GRM8: variants seen among roughly 807,000 people sequenced by gnomAD.
GRM8 encodes glutamate metabotropic receptor 8.
In GRM8, 47 loss-of-function variants were observed where a neutral mutation model predicts 87.2. The ratio of observed to expected loss-of-function variants is 0.54; its 90% CI spans 0.43 to 0.69. The LOEUF (loss-of-function observed/expected upper bound fraction) is 0.69. GRM8 is among the 30% of genes least tolerant of loss of function. The probability of loss-of-function intolerance (pLI) is 0.00; values close to 1 mark genes in which losing one functional copy is unlikely to be tolerated. For missense variants in GRM8, 1,019 were observed against 1,139.2 expected (o/e 0.89, Z 1.52); for synonymous variants, 396 against 404.5 (o/e 0.98, Z 0.25).
intron 6 of GRM8, among the ~76,000 whole-genome samples, chr7:126,830,242 G>A (rs1182261402): frequency 6.6e-6 from 1 of 152,172 alleles, no homozygotes; most frequent in South Asian, 2.1e-4. Context: ...GAATCTGAAT[G>A]TTGGCCTGCC....
At chr7:127,130,711 T>C (rs980078902) in intron 2 of GRM8, among the ~76,000 whole-genome samples, 9 of 152,134 alleles carry the variant, frequency 5.9e-5, no homozygotes, top group Non-Finnish European at 1.0e-4. Context: ...CCCACCCAAA[T>C]TTCATCTGGC....
intron 8 of GRM8, among the ~76,000 whole-genome samples, chr7:126,576,092 G>T (rs1043006378): frequency 1.3e-5 from 2 of 152,050 alleles, no homozygotes; most frequent in African/African-American, 4.8e-5. Context: ...TTTAACATCT[G>T]CAAAGTCAAT....
At chr7:126,488,155 A>G (rs1355459253) in intron 9 of GRM8, among the ~76,000 whole-genome samples, 1 of 151,822 alleles carries the variant, frequency 6.6e-6, no homozygotes, top group Non-Finnish European at 1.5e-5. Context: ...TATCAATAGC[A>G]TTCAGCTGTA....
intron 6 of GRM8, among the ~76,000 whole-genome samples, chr7:126,865,579 C>A (rs1798523457): frequency 6.6e-6 from 1 of 152,146 alleles, no homozygotes; most frequent in East Asian, 1.9e-4. Context: ...CTTCAATCAT[C>A]CTGTTCCCGT....
At chr7:126,905,909 C>G (rs368483232) in intron 3 of GRM8, among the ~76,000 whole-genome samples, 3 of 152,128 alleles carry the variant, frequency 2.0e-5, no homozygotes, top group Non-Finnish European at 4.4e-5. Context: ...ATGTAAAAAC[C>G]TAGCATGATC....
chr7:126,656,468 G>A (rs181623464), intron 7 of GRM8, among the ~76,000 whole-genome samples: 1 of 152,232 alleles, frequency 6.6e-6, no homozygotes, highest in African/African-American at 2.4e-5. Flanking sequence ...CGCAAGGTCA[G>A]GAGATCGAGA....
intron 3 of GRM8, among the ~76,000 whole-genome samples, chr7:127,054,340 A>G (rs1819772859): frequency 6.6e-6 from 1 of 152,158 alleles, no homozygotes; most frequent in African/African-American, 2.4e-5. Context: ...TTAAATAAAT[A>G]CAGTTGACTT....
intron 2 of GRM8, among the ~76,000 whole-genome samples, chr7:127,158,546 G>T (rs1175072441): frequency 1.3e-5 from 2 of 152,156 alleles, no homozygotes; most frequent in Non-Finnish European, 2.9e-5. Context: ...CAAGATCAAG[G>T]CACCAGTACA....
At chr7:126,459,086 A>G (rs1439686705) in intron 9 of GRM8, among the ~76,000 whole-genome samples, 1 of 151,416 alleles carries the variant, frequency 6.6e-6, no homozygotes, top group Non-Finnish European at 1.5e-5. Flanking sequence ...ACAGAAAACT[A>G]TAGTACTCAT....
At chr7:126,976,333 C>T (rs995658685) in intron 3 of GRM8, among the ~76,000 whole-genome samples, 2 of 152,260 alleles carry the variant, frequency 1.3e-5, no homozygotes, top group South Asian at 2.1e-4. Context: ...CAGTGGCTCA[C>T]GCCTATAATC....
chr7:126,667,369 A>C (rs1805883646), intron 7 of GRM8, among the ~76,000 whole-genome samples: 1 of 152,240 alleles, frequency 6.6e-6, no homozygotes, highest in Admixed American at 6.5e-5. Context: ...TCACTGTAGA[A>C]TGTTCTTAAA....
chr7:127,022,056 G>A (rs1446365430), intron 3 of GRM8, among the ~76,000 whole-genome samples: 3 of 152,048 alleles, frequency 2.0e-5, no homozygotes. Flanking sequence ...AACTTTTCTG[G>A]CTAGGAACTA....
chr7:126,818,557 A>G (rs1219574103), intron 6 of GRM8, among the ~76,000 whole-genome samples: 1 of 152,130 alleles, frequency 6.6e-6, no homozygotes, highest in Non-Finnish European at 1.5e-5. Context: ...TAATAATTTT[A>G]TTTTTCCTGG....
intron 7 of GRM8, among the ~76,000 whole-genome samples, chr7:126,734,184 T>C (rs1034982589): frequency 6.6e-6 from 1 of 151,976 alleles, no homozygotes; most frequent in African/African-American, 2.4e-5. Flanking sequence ...GAATACAAAA[T>C]GTACACATTG....
Position 126,814,574 on chromosome 7 carries a change from C to T in GRM8, c.1157-44509G>A, listed in dbSNP as rs972727363. Among the ~76,000 whole-genome samples the T allele has an allele frequency of 9.2e-5, 14 of 152,152 alleles. 1 individual carries two copies. Among genetic ancestry groups the T allele is most frequent in the Admixed American group, 3.9e-4 (6 of 15,262 alleles). On this transcript the variant is annotated intron_variant, in intron 6 of 10. Transcript: ENST00000339582. ...AAAGATGATCTTGGACAGTAGACAG[C>T]TTGCACCCAATACATCCAACCTAAA...
At chr7:126,530,970 G>A (rs773312298) in intron 9 of GRM8, among the ~76,000 whole-genome samples, 38 of 151,986 alleles carry the variant, frequency 2.5e-4, no homozygotes, top group Non-Finnish European at 3.8e-4. Flanking sequence ...CACCATGCCC[G>A]GCTAATTTTT....
intron 3 of GRM8, among the ~76,000 whole-genome samples, chr7:127,072,802 C>A (rs188926194): frequency 5.3e-5 from 8 of 152,124 alleles, no homozygotes; most frequent in Admixed American, 5.2e-4. Context: ...GTTTTTCCAA[C>A]CCACATGATA....
At chr7:127,136,344 TAGCCAGA>T (rs1404309682) in intron 2 of GRM8, among the ~76,000 whole-genome samples, 3 of 152,114 alleles carry the variant, frequency 2.0e-5, no homozygotes, top group Non-Finnish European at 4.4e-5. Context: ...TTACCCCTAA[TAGCCAGA>T]AGCATCACTT....
chr7:126,746,812 C>T (rs562764141), intron 7 of GRM8, among the ~76,000 whole-genome samples: 94 of 151,478 alleles, frequency 6.2e-4, no homozygotes, highest in African/African-American at 2.0e-3. Flanking sequence ...CAATAAAGCG[C>T]GAAATGTCTT....
Sources: gnomAD v4.1 joint callset for allele counts (sites outside exome capture counted in the v4.1 genomes callset) on GRCh38, gnomAD v4.1.1 for gene constraint, MANE v1.5 for transcripts, NCBI Gene and HGNC (gene_info 2026-07-23, HGNC 2026-07-21) for gene names.